ASPM: variants seen among roughly 807,000 people sequenced by gnomAD.
ASPM encodes assembly factor for spindle microtubules, also known as abnormal spindle-like microcephaly-associated protein.
ASPM carries 256 observed loss-of-function variants against 366.4 expected under a neutral mutation model. The observed-to-expected ratio is 0.70, with a 90% CI of 0.63 to 0.77. The LOEUF (loss-of-function observed/expected upper bound fraction) is 0.77, where lower values mean the gene tolerates loss of function less well. Ranked by LOEUF, ASPM falls within the 30% of genes least tolerant of loss-of-function variation. The pLI is 0.00. For synonymous variants in ASPM, 1,414 were observed against 1,342.9 expected, an observed-to-expected ratio of 1.05 and a Z score of -1.16; for missense variants, 4,146 against 4,090.4, an observed-to-expected ratio of 1.01 and a Z score of -0.37.
chr1:197,134,386 T>A (rs981071471), intron 5 of ASPM, among the ~76,000 whole-genome samples: 54 of 151,306 alleles, frequency 3.6e-4, no homozygotes, highest in African/African-American at 1.3e-3. Context: ...CACTCCAGAC[T>A]GGGTGAGGGA....
Position 197,127,187 on chromosome 1 carries a change from G to T in ASPM, c.2936+1303C>A, listed in dbSNP as rs768746757. On this transcript the variant is annotated intron_variant, in intron 10 of 27. Transcript: ENST00000367409. ...TTATACTCTAAAGTTATCTCTAGTC[G>T]AAACAAAGAAATTAAAAAGTATATC... Among the ~76,000 whole-genome samples the T allele has an allele frequency of 4.2e-4, 64 of 152,160 alleles. 1 individual carries two copies. Among genetic ancestry groups the T allele is most frequent in the Non-Finnish European group, 8.7e-4 (59 of 68,000 alleles).
intron 4 of ASPM, among the ~76,000 whole-genome samples, chr1:197,135,623 CTTTTTTTTTTTT>C (rs778898963): frequency 2.9e-5 from 2 of 69,820 alleles, no homozygotes; most frequent in African/African-American, 5.7e-5. Context: ...AAATATCTGT[CTTTTTTTTTTTT>C]TTTTTTTTTT....
intron 8 of ASPM, 95 bp downstream of exon 8, chr1:197,129,820 T>C (rs1179163190): frequency 8.0e-5 from 118 of 1,469,934 alleles, no homozygotes; most frequent in Non-Finnish European, 1.1e-4. Context: ...GATTGGTTTC[T>C]TTGAGAAAGG....
chr1:197,123,832 T>C (rs1212035505), intron 13 of ASPM, among the ~76,000 whole-genome samples: 1 of 152,166 alleles, frequency 6.6e-6, no homozygotes, highest in Non-Finnish European at 1.5e-5. Flanking sequence ...AATAATGATA[T>C]GATTCTTTTA....
intron 18 of ASPM, among the ~76,000 whole-genome samples, chr1:197,098,643 T>C (rs1414628532): frequency 1.3e-5 from 2 of 151,724 alleles, no homozygotes; most frequent in African/African-American, 4.8e-5. Context: ...CCTTGGTTTC[T>C]TGATACCATT....
chr1:197,132,427 G>GTA (rs1658285487), intron 6 of ASPM, 75 bp from the exon 7 acceptor site: 8 of 1,245,688 alleles, frequency 6.4e-6, no homozygotes, highest in Middle Eastern at 4.0e-4. Context: ...TTCAAGGAGA[G>GTA]TATATCAGTG....
At chr1:197,092,191 T>C in intron 21 of ASPM, 135 bp from the exon 22 acceptor site, 1 of 825,120 alleles carries the variant, frequency 1.2e-6, no homozygotes, top group Non-Finnish European at 2.0e-6. Context: ...TTACAATTAC[T>C]TATATTGTAA....
chr1:197,084,337 C>T lies in ASPM; in HGVS notation c.10421G>A (p.Gly3474Asp). 6.2e-7 allele frequency: 1 copy of T among 1,609,478 alleles called. No homozygotes were observed. The highest frequency in any genetic ancestry group is 1.3e-5 in the African/African-American group (1 of 74,794). Reference sequence around the variant, plus strand: ...TGTTTACATTTACTAATAAGGAATGCCAAGCGTATCCATCACCATTTGAAT... The same window carrying T: ...TGTTTACATTTACTAATAAGGAATGTCAAGCGTATCCATCACCATTTGAAT... Reference protein sequence around the residue: ...QAIQMVMDTLGIPY With the variant: ...QAIQMVMDTLDIPY The change falls in exon 28 of 28, where the codon GGC (glycine) becomes GAC (aspartate). Residue 3474 changes from glycine (G) to aspartate (D), a missense_variant. By Grantham distance (94) the Gly-to-Asp change is moderately conservative (BLOSUM62 -1). Around this residue, in one of 3 missense-constraint regions of ASPM, gnomAD observed 3,624 missense variants for 3,591.7 expected, o/e 1.01. Coordinates refer to ENST00000367409, the MANE Select transcript of ASPM (RefSeq NM_018136.5).
rs1192662413 is a variant in ASPM at position 197,102,125 on chromosome 1, G to A, written c.7126C>T (p.Leu2376=). The change falls in exon 18 of 28, where the codon CTG becomes TTG. Residue 2376 remains leucine, a synonymous_variant. Transcript: ENST00000367409. ...TGTCTGAGATAATGCTGCCTCTGCA[G>A]TTTTGCAGCTCTATTTGCTTGGTAT... is the stretch of plus-strand genomic sequence containing the variant. The part of the protein sequence containing the change: ...QQYQANRAAK[L]QRQHYLRQRH... The A allele has an allele frequency of 1.9e-6, 3 of 1,612,832 alleles. No individual in the cohort carries two copies. The highest frequency in any genetic ancestry group is 1.7e-5 in the Admixed American group (1 of 59,836).
At position 197,105,084 on chromosome 1, in the gene ASPM, AG is replaced by A; in HGVS notation, c.4166del (p.Ser1389PhefsTer20). 1 of 1,609,802 alleles carries A rather than the reference AG, an allele frequency of 6.2e-7. No homozygotes were observed. Among genetic ancestry groups the A allele is most frequent in the Non-Finnish European group, 8.5e-7 (1 of 1,177,006 alleles). ...SRIRMIIAVT[S>X]YKRYLWATVT... ...CTGTAGCCCAAAGATATCGTTTATAAGATGTAACAGCAATTATCATTCTTAT... is the reference window on the plus strand; with the variant it reads ...CTGTAGCCCAAAGATATCGTTTATAAATGTAACAGCAATTATCATTCTTAT... On this transcript the variant is annotated frameshift_variant, in exon 18 of 28. Coordinates refer to ENST00000367409, the MANE Select transcript of ASPM (RefSeq NM_018136.5). LOFTEE classifies it high-confidence loss of function.
At chr1:197,132,853 T>G (rs369073358) in intron 6 of ASPM, among the ~76,000 whole-genome samples, 1 of 152,046 alleles carries the variant, frequency 6.6e-6, no homozygotes, top group South Asian at 2.1e-4. Flanking sequence ...GAGGATATTA[T>G]GCAAACTGAA....
intron 18 of ASPM, among the ~76,000 whole-genome samples, chr1:197,098,884 A>G (rs970692595): frequency 2.0e-5 from 3 of 151,666 alleles, no homozygotes; most frequent in African/African-American, 7.3e-5. Flanking sequence ...CCAGACAAAC[A>G]TAGTCAACTG....
At chr1:197,105,311 T>A (rs1386140685) in intron 17 of ASPM, 126 bp from the exon 18 acceptor site, 1 of 783,570 alleles carries the variant, frequency 1.3e-6, no homozygotes, top group South Asian at 1.7e-5. Flanking sequence ...AAACTAATTA[T>A]TTTTGTGAGA....
chr1:197,113,421 G>A (rs188952276), intron 17 of ASPM, among the ~76,000 whole-genome samples: 2 of 152,216 alleles, frequency 1.3e-5, no homozygotes, highest in East Asian at 3.9e-4. Context: ...CATGGCAAAA[G>A]GGCAAGGATG....
rs377167359 is a variant in ASPM at position 197,100,635 on chromosome 1, C to T, written c.8616G>A (p.Thr2872=). ...AAITLQHYFR[T]WQTRKQFLLY... ...GTAAAAACTGTTTTCTGGTTTGCCA[C>T]GTCCTAAAATAATGCTGTAAAGTGA... The change falls in exon 18 of 28, where the codon ACG becomes ACA. Residue 2872 remains threonine, a synonymous_variant. Coordinates refer to ENST00000367409, the MANE Select transcript of ASPM (RefSeq NM_018136.5). 33 of 1,611,958 alleles carry T rather than the reference C, an allele frequency of 2.0e-5. No homozygotes were observed. The highest frequency in any genetic ancestry group is 2.7e-5 in the African/African-American group (2 of 74,742).
intron 16 of ASPM, among the ~76,000 whole-genome samples, chr1:197,120,781 T>C (rs1000340145): frequency 6.6e-6 from 1 of 152,040 alleles, no homozygotes; most frequent in Non-Finnish European, 1.5e-5. Context: ...AAGTGATATG[T>C]AGGCAGGGAG....
chr1:197,095,158 T>A (rs1211472359), intron 19 of ASPM, among the ~76,000 whole-genome samples: 1 of 151,764 alleles, frequency 6.6e-6, no homozygotes, highest in East Asian at 1.9e-4. Context: ...TAACTATAGT[T>A]GCCCTATTGT....
At position 197,142,530 on chromosome 1, in the gene ASPM, T is replaced by C. The variant is rs1441557742; in HGVS notation, c.1722A>G (p.Lys574=). Residue 574 remains lysine, a synonymous_variant, in exon 3 of 28, where the codon AAA becomes AAG. Coordinates refer to ENST00000367409, the MANE Select transcript of ASPM (RefSeq NM_018136.5). ...PSSTTASVAR[K]RKSDGSMEDA... Reference sequence around the variant, plus strand: ...CTTCCATGCTTCCATCGCTCTTTCTTTTCCGAGCAACTGAAGCTGTTGTCG... The same window carrying C: ...CTTCCATGCTTCCATCGCTCTTTCTCTTCCGAGCAACTGAAGCTGTTGTCG... The C allele has an allele frequency of 6.2e-7, 1 of 1,614,072 alleles. No individual in the cohort carries two copies. Among genetic ancestry groups the C allele is most frequent in the African/African-American group, 1.3e-5 (1 of 75,052 alleles).
Position 197,086,975 on chromosome 1 carries a change from A to AC in ASPM, c.10162-4dup. Reference sequence around the variant, plus strand: ...ACTTTGGACCTACTTCGTACATCCTACAAAATAAAATGCACAGTTACTAAA... The same window carrying AC: ...ACTTTGGACCTACTTCGTACATCCTACCAAAATAAAATGCACAGTTACTAAA... On this transcript the variant is annotated splice_polypyrimidine_tract_variant and splice_region_variant and intron_variant, in intron 26 of 27. Coordinates refer to ENST00000367409, the MANE Select transcript of ASPM (RefSeq NM_018136.5). 6.2e-7 allele frequency: 1 copy of AC among 1,605,408 alleles called. No homozygotes were observed. Among genetic ancestry groups the AC allele is most frequent in the Non-Finnish European group, 8.5e-7 (1 of 1,177,970 alleles).
Sources: allele counts gnomAD v4.1 joint callset (sites outside exome capture counted in the v4.1 genomes callset), GRCh38; gene constraint gnomAD v4.1.1; regional missense constraint gnomAD v4.1.1; transcripts MANE v1.5; gene names NCBI Gene and HGNC (gene_info 2026-07-23, HGNC 2026-07-21).